RBFOX3: variants seen among roughly 807,000 people sequenced by gnomAD.
RBFOX3 encodes RNA binding fox-1 homolog 3.
In RBFOX3, 17 loss-of-function variants were observed where a neutral mutation model predicts 48.7. The observed-to-expected ratio is 0.35, with a 90% CI of 0.24 to 0.52. The LOEUF is 0.52. RBFOX3 is among the 20% of genes least tolerant of loss of function. The pLI is 0.94. For missense variants in RBFOX3, 382 were observed against 497.5 expected (o/e 0.77, Z 2.21); for synonymous variants, 212 against 209.5 (o/e 1.01, Z -0.10).
At chr17:79,201,264 G>A (rs377141110) in intron 4 of RBFOX3, among the ~76,000 whole-genome samples, 2 of 152,220 alleles carry the variant, frequency 1.3e-5, no homozygotes, top group African/African-American at 4.8e-5. Flanking sequence ...TACTCTTATT[G>A]GCTCAGAAAG....
chr17:79,278,670 T>C (rs531140105), intron 3 of RBFOX3, among the ~76,000 whole-genome samples: 337 of 152,380 alleles, frequency 2.2e-3, no homozygotes, highest in Middle Eastern at 0.017. Flanking sequence ...TGTCTCTGTC[T>C]GGTGTCCAGG....
At chr17:79,655,481 A>C in the RBFOX3 span, among the ~76,000 whole-genome samples, 1 of 152,172 alleles carries the variant, frequency 6.6e-6, no homozygotes, top group Non-Finnish European at 1.5e-5. Flanking sequence ...CTTTATCCTA[A>C]ATTCAAAAAT....
chr17:79,483,290 C>T (rs1253797025), intron 1 of RBFOX3, among the ~76,000 whole-genome samples: 1 of 151,800 alleles, frequency 6.6e-6, no homozygotes, highest in Non-Finnish European at 1.5e-5. Context: ...CAGTCTGGCT[C>T]CCTCTCCTAG....
At chr17:79,312,686 C>G (rs1169420153) in intron 2 of RBFOX3, among the ~76,000 whole-genome samples, 1 of 152,164 alleles carries the variant, frequency 6.6e-6, no homozygotes, top group Non-Finnish European at 1.5e-5. Flanking sequence ...AGGAAACCCT[C>G]CAGCTCCTTC....
At chr17:79,659,845 C>A in the RBFOX3 span, among the ~76,000 whole-genome samples, 1 of 152,064 alleles carries the variant, frequency 6.6e-6, no homozygotes, top group Non-Finnish European at 1.5e-5. Flanking sequence ...CCCTTCCCCC[C>A]AGCCTCCCAC....
chr17:79,375,789 C>T (rs1022522187), intron 2 of RBFOX3, among the ~76,000 whole-genome samples: 17 of 152,208 alleles, frequency 1.1e-4, no homozygotes, highest in Non-Finnish European at 2.1e-4. Context: ...GGACACGGCC[C>T]CTCACCGTCA....
At chr17:79,257,852 AT>A (rs1389775448) in intron 3 of RBFOX3, among the ~76,000 whole-genome samples, 1 of 152,154 alleles carries the variant, frequency 6.6e-6, no homozygotes, top group Non-Finnish European at 1.5e-5. Context: ...AAGTGCTGGG[AT>A]TACAGGTGTG....
chr17:79,283,916 C>T (rs570003194), intron 3 of RBFOX3, among the ~76,000 whole-genome samples: 1,449 of 130,258 alleles, frequency 0.011, 1 homozygote, highest in Non-Finnish European at 0.015. Flanking sequence ...CCAGGACCAT[C>T]GTAACATTTG....
chr17:79,090,793 T>A lies in RBFOX3; in HGVS notation c.*90A>T. On this transcript the variant is annotated 3_prime_UTR_variant, in exon 15 of 15. Coordinates refer to ENST00000693108, the MANE Select transcript of RBFOX3 (RefSeq NM_001350451.2). ...GGTTTTTTTTTTGTTGCTTGGATCT[T>A]AACATCTTTTTTTGTTTTTTTTGTT... is the stretch of plus-strand genomic sequence containing the variant. 7.0e-7 allele frequency: 1 copy of A among 1,421,904 alleles called. No individual in the cohort carries two copies. The highest frequency in any genetic ancestry group is 9.5e-7 in the Non-Finnish European group (1 of 1,057,584). 88.1% of individuals were successfully genotyped at this position (1,421,904 alleles called of 1,614,324 possible). A position where few individuals can be genotyped will look rare whatever the true frequency, so the allele number is the denominator to read the frequency against.
At chr17:79,283,330 G>A (rs896047454) in intron 3 of RBFOX3, among the ~76,000 whole-genome samples, 8 of 145,588 alleles carry the variant, frequency 5.5e-5, no homozygotes, top group African/African-American at 7.6e-5. Context: ...GTGCACTAGC[G>A]TGATCTCGGC....
intron 1 of RBFOX3, among the ~76,000 whole-genome samples, chr17:79,596,987 A>G (rs2093586649): frequency 6.6e-6 from 1 of 152,278 alleles, no homozygotes; most frequent in African/African-American, 2.4e-5. Flanking sequence ...CGTCTACTTA[A>G]CGAGCCACGC....
chr17:79,441,104 C>T (rs2070817304), intron 2 of RBFOX3, among the ~76,000 whole-genome samples: 1 of 152,164 alleles, frequency 6.6e-6, no homozygotes, highest in Non-Finnish European at 1.5e-5. Flanking sequence ...GCGGAGGCAA[C>T]CAGAGACACA....
chr17:79,636,855 A>C, the RBFOX3 span, among the ~76,000 whole-genome samples: 1 of 152,208 alleles, frequency 6.6e-6, no homozygotes, highest in Non-Finnish European at 1.5e-5. Context: ...TTCTCCAAAC[A>C]TAAGATGTAG....
Position 79,471,904 on chromosome 17 carries a change from A to C in RBFOX3, c.-175+10550T>G, listed in dbSNP as rs1177939031. On this transcript the variant is annotated intron_variant, in intron 2 of 14. Transcript: ENST00000693108. The surrounding 1 kb of genome is among the most constrained non-coding windows in gnomAD (Gnocchi z 4.0). ...ACTAAATCTCCACCAAGCACATTAT[A>C]TCAAATACGCCTCAGGAAAACCCTT... 1.3e-5 allele frequency among the ~76,000 whole-genome samples: 2 copies of C among 152,214 alleles called. No homozygotes were observed. The highest frequency in any genetic ancestry group is 2.9e-5 in the Non-Finnish European group (2 of 68,040).
At chr17:79,181,958 A>G (rs1365626969) in intron 4 of RBFOX3, among the ~76,000 whole-genome samples, 2 of 125,738 alleles carry the variant, frequency 1.6e-5, no homozygotes, top group Non-Finnish European at 1.6e-5. Context: ...CATTGTCTCC[A>G]AGAAACACAC....
At chr17:79,259,019 T>A (rs2065312949) in intron 3 of RBFOX3, among the ~76,000 whole-genome samples, 1 of 151,976 alleles carries the variant, frequency 6.6e-6, no homozygotes. Context: ...GCAGAGTCGC[T>A]TATCACTTGC....
intron 1 of RBFOX3, among the ~76,000 whole-genome samples, chr17:79,560,482 C>G (rs2092138562): frequency 6.6e-6 from 1 of 152,174 alleles, no homozygotes; most frequent in Non-Finnish European, 1.5e-5. Flanking sequence ...ACTCAAGAAA[C>G]AGCAATTTCA....
rs920054406 is a variant in RBFOX3 at position 79,195,017 on chromosome 17, A to G, written c.-34+40749T>C. ...GGCAGCTCTGGTCTAGAACATGGGC[A>G]GATGTCTTTCCGCTCAGCCCCACCG... On this transcript the variant is annotated intron_variant, in intron 4 of 14. Transcript: ENST00000693108. The surrounding 1 kb of genome is among the most constrained non-coding windows in gnomAD (Gnocchi z 5.3). Among the ~76,000 whole-genome samples, 7 of 152,088 alleles carry G rather than the reference A, an allele frequency of 4.6e-5. No individual in the cohort carries two copies. The highest frequency in any genetic ancestry group is 1.7e-4 in the African/African-American group (7 of 41,406).
the RBFOX3 span, among the ~76,000 whole-genome samples, chr17:79,630,508 A>T: frequency 6.6e-6 from 1 of 152,058 alleles, no homozygotes; most frequent in Admixed American, 6.6e-5. Context: ...TCCTTTCCAG[A>T]TTCAAGTTTA....
Sources: gnomAD v4.1 joint callset for allele counts (sites outside exome capture counted in the v4.1 genomes callset) on GRCh38, gnomAD v4.1.1 for gene constraint, Gnocchi (gnomAD v3.1) non-coding constraint, MANE v1.5 for transcripts, NCBI Gene and HGNC (gene_info 2026-07-23, HGNC 2026-07-21) for gene names.